Variants in NT5DC3 observed in about 807,000 individuals in gnomAD.
NT5DC3 encodes the protein 5'-nucleotidase domain containing 3.
A neutral mutation model predicts 67.8 loss-of-function variants in NT5DC3; 42 were observed. The ratio of observed to expected loss-of-function variants is 0.62; its 90% CI spans 0.48 to 0.80. The LOEUF is 0.80. NT5DC3 is among the 30% of genes least tolerant of loss of function. The pLI, the probability that NT5DC3 is intolerant of heterozygous loss-of-function variation, is 0.00. For missense variants in NT5DC3, 570 were observed against 696.4 expected (o/e 0.82, Z 2.04); for synonymous variants, 237 against 255.6 (o/e 0.93, Z 0.69).
At chr12:103,748,097 T>C in the NT5DC3 span, among the ~76,000 whole-genome samples, 3 of 152,270 alleles carry the variant, frequency 2.0e-5, no homozygotes, top group East Asian at 1.9e-4. Context: ...ATATTTTTCA[T>C]GGATAAATAT....
the NT5DC3 span, among the ~76,000 whole-genome samples, chr12:103,751,442 A>C: frequency 6.6e-6 from 1 of 152,182 alleles, no homozygotes; most frequent in Admixed American, 6.5e-5. Flanking sequence ...AGGCTCAGCC[A>C]TGACATAAAG....
the NT5DC3 span, among the ~76,000 whole-genome samples, chr12:103,749,841 CAAAAAAAAAAAAAAAAAA>C: frequency 3.1e-4 from 16 of 51,154 alleles, no homozygotes; most frequent in South Asian, 1.0e-3. Flanking sequence ...CTCTGTCTCA[CAAAAAAAAAAAAAAAAAA>C]AAAAAAAAAA....
the NT5DC3 span, among the ~76,000 whole-genome samples, chr12:103,749,771 C>T: frequency 1.5e-5 from 2 of 129,646 alleles, no homozygotes; most frequent in Admixed American, 9.3e-5. Context: ...ACACAGGAGG[C>T]GGAGCTTGCA....
At chr12:103,763,860 C>A in the NT5DC3 span, 1 of 349,976 alleles carries the variant, frequency 2.9e-6, no homozygotes, top group Non-Finnish European at 5.1e-6. Context: ...GGTTGTTATC[C>A]AAGCCCAATC....
At chr12:103,750,577 A>G in the NT5DC3 span, 5 of 1,613,810 alleles carry the variant, frequency 3.1e-6, no homozygotes, top group Admixed American at 5.0e-5. Flanking sequence ...CTCCCTCCAC[A>G]GGGCAAGCAC....
chr12:103,765,822 G>A (rs542643523), downstream of NT5DC3, among the ~76,000 whole-genome samples: 78 of 152,284 alleles, frequency 5.1e-4, no homozygotes, highest in Non-Finnish European at 8.2e-4. Flanking sequence ...GATTACAGGC[G>A]CGAGCCACCA....
the NT5DC3 span, chr12:103,761,558 C>CTT: frequency 0.34 from 221,633 of 658,712 alleles, 40,003 homozygotes; most frequent in East Asian, 0.56. Flanking sequence ...AGGTAGCTGG[C>CTT]CAGGACCGCC....
chr12:103,811,566 A>G (rs745969224), intron 2 of NT5DC3, among the ~76,000 whole-genome samples: 2 of 152,190 alleles, frequency 1.3e-5, no homozygotes, highest in South Asian at 4.1e-4. Context: ...AAAGCAAGGA[A>G]AGTCAGAGAA....
rs916967296 is a variant in NT5DC3 at position 103,783,129 on chromosome 12, G to A, written c.1329+2206C>T. On this transcript the variant is annotated intron_variant, in intron 12 of 13. Coordinates refer to ENST00000392876, the MANE Select transcript of NT5DC3 (RefSeq NM_001031701.3). ...CTCTGAAAATAATCCCCAAGGGGGAGTTCTAGAAACATCTACCACAGGCTC... is the reference window on the plus strand; with the variant it reads ...CTCTGAAAATAATCCCCAAGGGGGAATTCTAGAAACATCTACCACAGGCTC... Among the ~76,000 whole-genome samples the A allele has an allele frequency of 2.6e-5, 4 of 152,250 alleles. No homozygotes were observed. In the East Asian group the frequency reaches 7.7e-4, roughly 29 times the overall value.
Position 103,841,052 on chromosome 12 carries a change from C to A in NT5DC3, c.105G>T (p.Pro35=), listed in dbSNP as rs966330910. The change falls in exon 1 of 14, where the codon CCG becomes CCT. Residue 35 remains proline, a synonymous_variant. Transcript: ENST00000392876. ...ACAAGGGCCGGGCGGGGCCCGCACA[C>A]GGCCGCCCCCGAGCCGCGGTCCCGC... ...GGCGTAARGR[P]CAGPARPLCT... 2.4e-5 allele frequency: 30 copies of A among 1,260,906 alleles called. No homozygotes were observed. The highest frequency in any genetic ancestry group is 4.7e-5 in the African/African-American group (3 of 64,472). 78.1% of individuals were successfully genotyped at this position (1,260,906 alleles called of 1,614,324 possible). A position where few individuals can be genotyped will look rare whatever the true frequency, so the allele number is the denominator to read the frequency against.
chr12:103,768,997 C>T (rs1224673778), downstream of NT5DC3: 2 of 152,152 alleles, frequency 1.3e-5, no homozygotes, highest in Admixed American at 1.3e-4. Context: ...CAGCAGATTT[C>T]CTCGAGGGGA....
chr12:103,794,053 C>T lies in NT5DC3; in HGVS notation c.754-56G>A, dbSNP rs1488073307. Reference sequence around the variant, plus strand: ...AATACAACTGAGATAGCCTGAGTAACAGTACAAGTGAAATGGCAGTCATGG... The same window carrying T: ...AATACAACTGAGATAGCCTGAGTAATAGTACAAGTGAAATGGCAGTCATGG... On this transcript the variant is annotated intron_variant, in intron 6 of 13. Transcript: ENST00000392876. 5 of 1,366,272 alleles carry T rather than the reference C, an allele frequency of 3.7e-6. No individual in the cohort carries two copies. In the Admixed American group the frequency reaches 6.7e-5, roughly 18 times the overall value. The allele number at this position is 1,366,272 out of a possible 1,614,324, so 84.6% of individuals were successfully genotyped here. A position where few individuals can be genotyped will look rare whatever the true frequency, so the allele number is the denominator to read the frequency against.
intron 2 of NT5DC3, among the ~76,000 whole-genome samples, chr12:103,813,925 C>T (rs1160725937): frequency 6.6e-6 from 1 of 152,230 alleles, no homozygotes; most frequent in Admixed American, 6.5e-5. Context: ...TACCCACCCT[C>T]AGCCCTCCTT....
rs1214240088 is a variant in NT5DC3 at position 103,785,324 on chromosome 12, T to C, written c.1329+11A>G. ...AAGAAAAAGTGAGAGAGAAAAATAATATATCCAAACCTGCATCTGTTCCAA... is the reference window on the plus strand; with the variant it reads ...AAGAAAAAGTGAGAGAGAAAAATAACATATCCAAACCTGCATCTGTTCCAA... On this transcript the variant is annotated intron_variant, in intron 12 of 13. Coordinates refer to ENST00000392876, the MANE Select transcript of NT5DC3 (RefSeq NM_001031701.3). 6.2e-7 allele frequency: 1 copy of C among 1,612,972 alleles called. No individual in the cohort carries two copies. The highest frequency in any genetic ancestry group is 1.7e-4 in the Middle Eastern group (1 of 6,060).
the NT5DC3 span, among the ~76,000 whole-genome samples, chr12:103,753,039 T>C: frequency 6.6e-6 from 1 of 152,236 alleles, no homozygotes; most frequent in Non-Finnish European, 1.5e-5. Flanking sequence ...TATGCTAGTT[T>C]TATAGTTAGA....
At chr12:103,828,942 G>GC (rs1020625500) in intron 1 of NT5DC3, among the ~76,000 whole-genome samples, 6 of 152,028 alleles carry the variant, frequency 3.9e-5, no homozygotes, top group African/African-American at 1.4e-4. Flanking sequence ...CAAGTGATCT[G>GC]CCCACTTTGG....
At chr12:103,746,384 T>G in the NT5DC3 span, 1 of 491,678 alleles carries the variant, frequency 2.0e-6, no homozygotes, top group African/African-American at 1.9e-5. Flanking sequence ...TCAATGACAT[T>G]GCAGAGATCA....
At chr12:103,772,108 G>C (rs1885199053), downstream of NT5DC3, among the ~76,000 whole-genome samples, 1 of 152,152 alleles carries the variant, frequency 6.6e-6, no homozygotes. Flanking sequence ...CCCCAAAAAA[G>C]GTTATCCCTT....
the NT5DC3 span, chr12:103,748,896 AC>A: frequency 6.5e-7 from 1 of 1,542,446 alleles, no homozygotes; most frequent in African/African-American, 1.4e-5. Flanking sequence ...GGTGCCCCAT[AC>A]CCTGACCTGA....
Sources: gnomAD v4.1 joint callset for allele counts (sites outside exome capture counted in the v4.1 genomes callset) on GRCh38, gnomAD v4.1.1 for gene constraint, MANE v1.5 for transcripts, NCBI Gene and HGNC (gene_info 2026-07-23, HGNC 2026-07-21) for gene names.